The following CTXN2 variants were observed in gnomAD, a reference collection of about 807,000 sequenced individuals.
CTXN2 encodes cortexin 2, also known as cortexin-2.
In CTXN2, 3 loss-of-function variants were observed where a neutral mutation model predicts 5.7. The observed-to-expected ratio is 0.53, with a 90% confidence interval of 0.24 to 1.36. The LOEUF is 1.36. CTXN2 is among the 40% of genes most tolerant of loss of function. The pLI is 0.17. For missense variants in CTXN2, 87 were observed against 93.0 expected (o/e 0.94, Z 0.26); for synonymous variants, 38 against 36.4 (o/e 1.04, Z -0.16).
chr15:48,192,255 G>T (rs191088706), intron 1 of CTXN2: 174 of 163,108 alleles, frequency 1.1e-3, no homozygotes, highest in African/African-American at 4.0e-3. Context: ...AGAATTTTCA[G>T]ACCAGGTTTC....
At chr15:48,197,738 C>T (rs1405182553) in intron 1 of CTXN2, among the ~76,000 whole-genome samples, 1 of 152,084 alleles carries the variant, frequency 6.6e-6, no homozygotes, top group Non-Finnish European at 1.5e-5. Context: ...AATAGAGACA[C>T]AGAGTGCTTA....
intron 1 of CTXN2, among the ~76,000 whole-genome samples, chr15:48,179,103 T>C (rs1302600835): frequency 6.6e-6 from 1 of 152,120 alleles, no homozygotes; most frequent in Non-Finnish European, 1.5e-5. Flanking sequence ...AATACAGTCG[T>C]AGATTTTTCC....
chr15:48,189,879 G>C (rs2040797321), upstream of CTXN2, among the ~76,000 whole-genome samples: 1 of 152,106 alleles, frequency 6.6e-6, no homozygotes. Context: ...CACAATCTCA[G>C]CTCACTGCAA....
chr15:48,200,676 T>C (rs2040920946), intron 1 of CTXN2, among the ~76,000 whole-genome samples: 1 of 152,116 alleles, frequency 6.6e-6, no homozygotes, highest in Non-Finnish European at 1.5e-5. Context: ...CTTTAAGAAA[T>C]TGACACAGTG....
intron 1 of CTXN2, among the ~76,000 whole-genome samples, chr15:48,193,133 G>C (rs1234715184): frequency 2.6e-5 from 4 of 152,074 alleles, no homozygotes; most frequent in Non-Finnish European, 5.9e-5. Context: ...TGGGCTATTT[G>C]ATATCTACAG....
chr15:48,186,504 A>C (rs1427563117), intron 1 of CTXN2, among the ~76,000 whole-genome samples: 1 of 152,212 alleles, frequency 6.6e-6, no homozygotes, highest in African/African-American at 2.4e-5. Context: ...CTATTTCAGC[A>C]CATTCAGCCT....
At chr15:48,184,212 A>G (rs1468812412) in intron 1 of CTXN2, among the ~76,000 whole-genome samples, 1 of 152,182 alleles carries the variant, frequency 6.6e-6, no homozygotes, top group Non-Finnish European at 1.5e-5. Flanking sequence ...TATCTCCTAT[A>G]GTTGCCTAAA....
At chr15:48,191,091 T>G (rs2040815659), upstream of CTXN2, 1 of 152,446 alleles carries the variant, frequency 6.6e-6, no homozygotes, top group African/African-American at 2.4e-5. Flanking sequence ...CAGTTGTGTT[T>G]GTGTGGAAGA....
At chr15:48,200,791 A>T (rs1232924423) in intron 1 of CTXN2, among the ~76,000 whole-genome samples, 1 of 152,214 alleles carries the variant, frequency 6.6e-6, no homozygotes, top group Non-Finnish European at 1.5e-5. Context: ...CAGAATCTAT[A>T]TCAGTCAAAA....
intron 1 of CTXN2, among the ~76,000 whole-genome samples, chr15:48,199,436 A>G (rs2040910007): frequency 6.6e-6 from 1 of 152,128 alleles, no homozygotes; most frequent in South Asian, 2.1e-4. Context: ...AAATATCCAC[A>G]TGTTGTAGCC....
intron 1 of CTXN2, among the ~76,000 whole-genome samples, chr15:48,183,863 T>C (rs1007978238): frequency 7.9e-5 from 12 of 152,214 alleles, no homozygotes; most frequent in Admixed American, 5.9e-4. Flanking sequence ...TAAGTGTCCA[T>C]GTACTTCAAA....
upstream of CTXN2, among the ~76,000 whole-genome samples, chr15:48,191,249 T>C (rs748891199): frequency 1.1e-4 from 17 of 152,164 alleles, no homozygotes; most frequent in Admixed American, 1.0e-3. Context: ...AAAACGGCTG[T>C]CACCAAAGCA....
intron 1 of CTXN2, 31 bp from the exon 2 acceptor site, chr15:48,201,213 A>G: frequency 7.1e-7 from 1 of 1,407,672 alleles, no homozygotes; most frequent in Non-Finnish European, 9.7e-7. Flanking sequence ...ATACAAGGGT[A>G]AAACTAAACT....
intron 1 of CTXN2, among the ~76,000 whole-genome samples, chr15:48,179,699 A>G (rs1315947390): frequency 6.6e-6 from 1 of 152,224 alleles, no homozygotes; most frequent in East Asian, 1.9e-4. Context: ...GTGAGGATTA[A>G]AAGAAAGCAC....
rs2040944308 is a variant in CTXN2, at chr15:48,203,588, A to C, written c.*2042A>C. On this transcript the variant is annotated 3_prime_UTR_variant, in exon 2 of 2. Coordinates refer to ENST00000417307, the MANE Select transcript of CTXN2 (RefSeq NM_001145668.2). ...ACCCTCCATTTTGATGACTAGAACA[A>C]ACCAAGGCCAGATCTTTATTTCAAA... 1 of 167,028 alleles carries C rather than the reference A, an allele frequency of 6.0e-6. No homozygotes were observed. Among genetic ancestry groups the C allele is most frequent in the Non-Finnish European group, 1.5e-5 (1 of 68,090 alleles). The allele number at this position is 167,028 out of a possible 1,614,324, so 10.3% of individuals were successfully genotyped here. A position where few individuals can be genotyped will look rare whatever the true frequency, so the allele number is the denominator to read the frequency against.
At chr15:48,195,443 A>G (rs2040868742) in intron 1 of CTXN2, among the ~76,000 whole-genome samples, 1 of 152,054 alleles carries the variant, frequency 6.6e-6, no homozygotes, top group Admixed American at 6.6e-5. Context: ...AAGCAAATAG[A>G]TTTCAAACTC....
chr15:48,187,451 C>T (rs578014533), upstream of CTXN2, among the ~76,000 whole-genome samples: 22 of 152,272 alleles, frequency 1.4e-4, no homozygotes, highest in Admixed American at 1.3e-3. Flanking sequence ...TTAAAAAGCA[C>T]AGCTACATTA....
intron 1 of CTXN2, chr15:48,178,740 A>G (rs938142923): frequency 6.5e-6 from 1 of 153,020 alleles, no homozygotes; most frequent in Non-Finnish European, 1.5e-5. Flanking sequence ...TTAAGCAAAT[A>G]TAAGTCTCTT....
chr15:48,201,371 C>T lies in CTXN2; in HGVS notation c.71C>T (p.Thr24Ile), dbSNP rs766548288. ...AACGAAGTATCAGCTTTCTCATTGA[C>T]TCTGGAGCAAAAAACTGGCTTTGCT... ...SVNEVSAFSLTLEQKTGFAFV... is the reference protein window; with the variant it reads ...SVNEVSAFSLILEQKTGFAFV... The change falls in exon 2 of 2, where the codon ACT becomes ATT. Residue 24 changes from threonine (T) to isoleucine (I), a missense_variant. Thr to Ile is a moderately conservative substitution (Grantham distance 89). Coordinates refer to ENST00000417307, the MANE Select transcript of CTXN2 (RefSeq NM_001145668.2). 10 of 1,551,196 alleles carry T rather than the reference C, an allele frequency of 6.4e-6. No homozygotes were observed. The South Asian group carries it at 1.1e-4, about 17-fold the overall frequency.
Sources: gnomAD v4.1 joint callset for allele counts (sites outside exome capture counted in the v4.1 genomes callset) on GRCh38, gnomAD v4.1.1 for gene constraint, MANE v1.5 for transcripts, NCBI Gene and HGNC (gene_info 2026-07-23, HGNC 2026-07-21) for gene names.